KIF16B: variants seen among roughly 807,000 people sequenced by gnomAD.
KIF16B encodes kinesin-like protein KIF16B.
Under a neutral mutation model 156.3 loss-of-function variants are expected in KIF16B, and 98 were observed. The observed-to-expected ratio is 0.63, with a 90% CI of 0.53 to 0.74. The LOEUF (loss-of-function observed/expected upper bound fraction) is 0.74. Ranked by LOEUF, KIF16B falls within the 30% of genes least tolerant of loss-of-function variation. KIF16B has a pLI of 0.00. For synonymous variants in KIF16B, 564 were observed against 583.7 expected, an observed-to-expected ratio of 0.97 and a Z score of 0.49; for missense variants, 1,421 against 1,606.5, an observed-to-expected ratio of 0.88 and a Z score of 1.97.
chr20:16,496,685 A>T (rs2068460490), intron 11 of KIF16B, among the ~76,000 whole-genome samples: 1 of 152,244 alleles, frequency 6.6e-6, no homozygotes, highest in Non-Finnish European at 1.5e-5. Flanking sequence ...TTAAGAAACA[A>T]TTTAAGACTA....
chr20:16,534,183 G>A (rs1376427836), intron 1 of KIF16B, among the ~76,000 whole-genome samples: 1 of 151,884 alleles, frequency 6.6e-6, no homozygotes, highest in Non-Finnish European at 1.5e-5. Context: ...TGAGCCCGGG[G>A]GACAGAGGTT....
chr20:16,498,970 T>C (rs1055939163), intron 10 of KIF16B, among the ~76,000 whole-genome samples: 1 of 151,974 alleles, frequency 6.6e-6, no homozygotes, highest in Non-Finnish European at 1.5e-5. Flanking sequence ...ACACCTGGTA[T>C]CTGTATACTG....
chr20:16,352,268 G>T (rs6080235), intron 23 of KIF16B, among the ~76,000 whole-genome samples: 1 of 152,044 alleles, frequency 6.6e-6, no homozygotes, highest in African/African-American at 2.4e-5. Context: ...TATAAATTAC[G>T]CCTCAACAGA....
At chr20:16,400,308 T>G (rs187298588) in intron 17 of KIF16B, among the ~76,000 whole-genome samples, 50 of 152,310 alleles carry the variant, frequency 3.3e-4, no homozygotes, top group African/African-American at 1.1e-3. Context: ...AAGAATACAA[T>G]AAGATACTGC....
At chr20:16,506,226 C>CAA (rs768846293) in intron 7 of KIF16B, 36 bp from the exon 8 acceptor site, 3 of 1,551,534 alleles carry the variant, frequency 1.9e-6, no homozygotes, top group Non-Finnish European at 2.7e-6. Context: ...TGAAGAGGTG[C>CAA]AAAGGGCCCT....
At chr20:16,358,225 G>C (rs2064483747) in intron 22 of KIF16B, among the ~76,000 whole-genome samples, 1 of 152,094 alleles carries the variant, frequency 6.6e-6, no homozygotes, top group Admixed American at 6.5e-5. Flanking sequence ...TCTGTCACTT[G>C]AGGCACATGG....
chr20:16,435,512 C>T lies in KIF16B; in HGVS notation c.1303-5530G>A, dbSNP rs76436277. 6.0e-4 allele frequency among the ~76,000 whole-genome samples: 91 copies of T among 152,280 alleles called. 2 individuals are homozygous for T. The East Asian group carries it at 0.016, about 27-fold the overall frequency. On this transcript the variant is annotated intron_variant, in intron 12 of 25. Coordinates refer to ENST00000354981, the MANE Select transcript of KIF16B (RefSeq NM_024704.5). ...AGATCTCAGTGTTGAACATCCTCTA[C>T]TCTATATTTTCCTGGAACACAATAC...
At chr20:16,367,966 A>G in intron 22 of KIF16B, 1 of 1,440,728 alleles carries the variant, frequency 6.9e-7, no homozygotes, top group Non-Finnish European at 9.1e-7. Flanking sequence ...AAAAATGCTC[A>G]TTGAGCCGAG....
In KIF16B at chr20:16,273,167, G is replaced by C. The variant is rs2063006276; in HGVS notation, c.*86C>G. 1 of 1,184,624 alleles carries C rather than the reference G, an allele frequency of 8.4e-7. No homozygotes were observed. The highest frequency in any genetic ancestry group is 1.2e-6 in the Non-Finnish European group (1 of 805,798). 73.4% of individuals were successfully genotyped at this position (1,184,624 alleles called of 1,614,324 possible). ...TCTTCAGCAGGAGGAGGCAGACCCGGATCCTCGCATGGGGGAGCTGCCCTG... is the reference window on the plus strand; with the variant it reads ...TCTTCAGCAGGAGGAGGCAGACCCGCATCCTCGCATGGGGGAGCTGCCCTG... On this transcript the variant is annotated 3_prime_UTR_variant, in exon 26 of 26. Transcript: ENST00000354981.
intron 17 of KIF16B, among the ~76,000 whole-genome samples, chr20:16,388,519 G>T (rs1381682536): frequency 1.3e-5 from 2 of 152,080 alleles, no homozygotes; most frequent in East Asian, 3.9e-4. Context: ...TAATTAAAAG[G>T]AAACCACAAA....
intron 1 of KIF16B, among the ~76,000 whole-genome samples, chr20:16,567,207 TAC>T (rs1024657380): frequency 1.3e-5 from 2 of 152,206 alleles, no homozygotes; most frequent in African/African-American, 4.8e-5. Flanking sequence ...ACCTCCTTAT[TAC>T]AGTCTCTGAG....
chr20:16,363,059 C>G (rs1001277309), intron 22 of KIF16B, among the ~76,000 whole-genome samples: 1 of 152,128 alleles, frequency 6.6e-6, no homozygotes, highest in African/African-American at 2.4e-5. Context: ...GTTTAAGAAA[C>G]AGTGGAGAGA....
intron 1 of KIF16B, among the ~76,000 whole-genome samples, chr20:16,555,290 TC>T (rs1469868036): frequency 6.6e-6 from 1 of 152,180 alleles, no homozygotes; most frequent in African/African-American, 2.4e-5. Flanking sequence ...ATGATCCTCC[TC>T]ACTGTACAGA....
At chr20:16,445,085 C>T (rs1310966607) in intron 12 of KIF16B, among the ~76,000 whole-genome samples, 1 of 152,068 alleles carries the variant, frequency 6.6e-6, no homozygotes, top group Admixed American at 6.6e-5. Flanking sequence ...ACCTATAGTC[C>T]TAGCTACTCA....
chr20:16,494,711 TA>T (rs2068397004), intron 11 of KIF16B, among the ~76,000 whole-genome samples: 1 of 152,212 alleles, frequency 6.6e-6, no homozygotes, highest in African/African-American at 2.4e-5. Flanking sequence ...CATCAGGTCC[TA>T]AAAAATAGTG....
chr20:16,438,405 ATTAG>A (rs1316227080), intron 12 of KIF16B, among the ~76,000 whole-genome samples: 3 of 152,186 alleles, frequency 2.0e-5, no homozygotes, highest in Non-Finnish European at 2.9e-5. Context: ...TTGCTCTATT[ATTAG>A]TTATTGTTCA....
rs150846059 is a variant in KIF16B at position 16,385,833 on chromosome 20, T to G, written c.1785-4086A>C. On this transcript the variant is annotated intron_variant, in intron 17 of 25. Transcript: ENST00000354981. ...CTGGCACTGTTCTAGGTACTGTGAA[T>G]TTAATTCTCACAATGACCCTGTGAG... Among the ~76,000 whole-genome samples the G allele has an allele frequency of 3.4e-4, 52 of 152,264 alleles. No homozygotes were observed. The East Asian group carries it at 9.1e-3, about 27-fold the overall frequency.
intron 22 of KIF16B, among the ~76,000 whole-genome samples, chr20:16,362,138 T>C (rs1397796204): frequency 6.6e-6 from 1 of 152,238 alleles, no homozygotes; most frequent in African/African-American, 2.4e-5. Flanking sequence ...TCTATTATAA[T>C]TGTACAATGT....
At chr20:16,286,209 T>C (rs2063220390) in intron 25 of KIF16B, among the ~76,000 whole-genome samples, 1 of 152,238 alleles carries the variant, frequency 6.6e-6, no homozygotes, top group East Asian at 1.9e-4. Context: ...CAAATAGCAC[T>C]GTAATAAACA....
Sources: allele counts gnomAD v4.1 joint callset (sites outside exome capture counted in the v4.1 genomes callset), GRCh38; gene constraint gnomAD v4.1.1; transcripts MANE v1.5; gene names NCBI Gene and HGNC (gene_info 2026-07-23, HGNC 2026-07-21).